Variants in PRKAR1B observed in about 807,000 individuals in gnomAD.
The protein encoded by PRKAR1B is cAMP-dependent protein kinase type I-beta regulatory subunit.
Under a neutral mutation model 46.5 loss-of-function variants are expected in PRKAR1B, and 22 were observed. That is an observed-to-expected ratio of 0.47 (90% CI 0.34 to 0.68). The LOEUF (loss-of-function observed/expected upper bound fraction) is 0.68. Among genes scored for constraint, PRKAR1B ranks in the 30% least tolerant of loss-of-function variants. The probability of loss-of-function intolerance (pLI) is 0.01; values close to 1 mark genes in which losing one functional copy is unlikely to be tolerated. For synonymous variants in PRKAR1B, 259 were observed against 217.7 expected (o/e 1.19, Z -1.67); for missense variants, 445 against 535.6 (o/e 0.83, Z 1.67).
intron 9 of PRKAR1B, among the ~76,000 whole-genome samples, chr7:552,644 T>A (rs1784317721): frequency 7.0e-6 from 1 of 142,630 alleles, no homozygotes; most frequent in Admixed American, 6.9e-5. Context: ...CCATTTTTGT[T>A]CAGACACACA....
rs143928231 is a variant in PRKAR1B, at chr7:622,921, C to T, written c.441-15469G>A. The stretch of plus-strand genomic sequence containing the variant: ...AGTGGTTCTGAAAGACCTAGACATG[C>T]TGCCCTCGCTGGGGAAGAACCTCTC... On this transcript the variant is annotated intron_variant, in intron 4 of 10. Transcript: ENST00000537384. Among the ~76,000 whole-genome samples, 592 of 152,302 alleles carry T rather than the reference C, an allele frequency of 3.9e-3. 4 individuals carry two copies. Among genetic ancestry groups the T allele is most frequent in the African/African-American group, 0.013 (558 of 41,566 alleles).
chr7:691,487 A>G (rs1272511540), intron 2 of PRKAR1B: 1 of 1,304,188 alleles, frequency 7.7e-7, no homozygotes, highest in African/African-American at 1.5e-5. Context: ...AGGGCCCCCC[A>G]GCGCACCACA....
At chr7:559,027 G>T (rs1483617721) in intron 9 of PRKAR1B, among the ~76,000 whole-genome samples, 1 of 152,228 alleles carries the variant, frequency 6.6e-6, no homozygotes, top group African/African-American at 2.4e-5. Flanking sequence ...CAGACCATTT[G>T]CCTTCCTCGG....
intron 4 of PRKAR1B, among the ~76,000 whole-genome samples, chr7:658,960 T>C (rs1204952505): frequency 2.0e-5 from 3 of 152,092 alleles, no homozygotes; most frequent in Non-Finnish European, 4.4e-5. Context: ...CTAATGTTTT[T>C]AAAAAAATAT....
At chr7:556,463 G>C (rs9330359) in intron 9 of PRKAR1B, among the ~76,000 whole-genome samples, 119,609 of 152,166 alleles carry the variant, frequency 0.79, 47,994 homozygotes, top group African/African-American at 0.94. Flanking sequence ...TCCAGGAACG[G>C]AGTCACATAA....
chr7:727,197 G>A lies in PRKAR1B; in HGVS notation c.-23+13C>T, dbSNP rs78581255. ...TGGCCGTGGACCTGTGCGGCGCCGCGCTCGCGCCCCACCTGGACGACGCTC... is the reference window on the plus strand; with the variant it reads ...TGGCCGTGGACCTGTGCGGCGCCGCACTCGCGCCCCACCTGGACGACGCTC... On this transcript the variant is annotated intron_variant, in intron 1 of 10. Coordinates refer to ENST00000537384, the MANE Select transcript of PRKAR1B (RefSeq NM_001164760.2). 3.3e-4 allele frequency: 444 copies of A among 1,346,210 alleles called. No individual in the cohort carries two copies. In the African/African-American group the frequency reaches 6.3e-3, roughly 19 times the overall value. The allele number at this position is 1,346,210 out of a possible 1,614,324, so 83.4% of individuals were successfully genotyped here. A position where few individuals can be genotyped will look rare whatever the true frequency, so the allele number is the denominator to read the frequency against.
intron 7 of PRKAR1B, among the ~76,000 whole-genome samples, chr7:588,782 G>A (rs1780791027): frequency 7.3e-6 from 1 of 136,146 alleles, no homozygotes; most frequent in Non-Finnish European, 1.6e-5. Flanking sequence ...TGATGGTGGT[G>A]ATGGTGGTGA....
At chr7:591,197 A>G (rs950071724) in intron 7 of PRKAR1B, among the ~76,000 whole-genome samples, 1 of 152,148 alleles carries the variant, frequency 6.6e-6, no homozygotes, top group Admixed American at 6.5e-5. Flanking sequence ...GGCCCCAAAG[A>G]CTGCCCCTTT....
chr7:723,690 A>T (rs1781153429), intron 1 of PRKAR1B, among the ~76,000 whole-genome samples: 1 of 151,972 alleles, frequency 6.6e-6, no homozygotes, highest in Non-Finnish European at 1.5e-5. Flanking sequence ...AAAAATGCAG[A>T]CTCGATCTTG....
chr7:623,369 T>C (rs1430257946), intron 4 of PRKAR1B, among the ~76,000 whole-genome samples: 1 of 152,238 alleles, frequency 6.6e-6, no homozygotes, highest in Admixed American at 6.5e-5. Context: ...CTGGCCAAAC[T>C]TTAGTCAGGT....
At chr7:674,122 T>C (rs748201558) in intron 4 of PRKAR1B, among the ~76,000 whole-genome samples, 1 of 152,178 alleles carries the variant, frequency 6.6e-6, no homozygotes, top group Non-Finnish European at 1.5e-5. Flanking sequence ...CCACTCAAGA[T>C]GACACATCCA....
chr7:570,563 G>A (rs752995484), intron 9 of PRKAR1B, among the ~76,000 whole-genome samples: 5 of 151,348 alleles, frequency 3.3e-5, no homozygotes, highest in Non-Finnish European at 3.0e-5. Context: ...CTCATCCCCC[G>A]CCGTCCCCTC....
intron 2 of PRKAR1B, among the ~76,000 whole-genome samples, chr7:698,398 CTA>C (rs933866088): frequency 3.3e-5 from 5 of 152,112 alleles, no homozygotes; most frequent in East Asian, 3.9e-4. Flanking sequence ...TGGCATGACT[CTA>C]TGTGTGCACA....
rs149625378 is a variant in PRKAR1B at position 585,569 on chromosome 7, G to A, written c.709-1001C>T. On this transcript the variant is annotated intron_variant, in intron 7 of 10. Coordinates refer to ENST00000537384, the MANE Select transcript of PRKAR1B (RefSeq NM_001164760.2). The stretch of plus-strand genomic sequence containing the variant: ...GACATGCTAGTGATGAGGTTTTTCC[G>A]TGACCCTAGATAAGTCCCCTGGGGT... 1.2e-3 allele frequency among the ~76,000 whole-genome samples: 188 copies of A among 151,052 alleles called. 1 individual carries two copies. Among genetic ancestry groups the A allele is most frequent in the African/African-American group, 4.2e-3 (168 of 40,416 alleles).
At chr7:632,271 C>A (rs972457715) in intron 4 of PRKAR1B, among the ~76,000 whole-genome samples, 2 of 152,202 alleles carry the variant, frequency 1.3e-5, no homozygotes, top group East Asian at 1.9e-4. Context: ...TCGGCCCCTG[C>A]AGAAGGGCGC....
At chr7:723,846 TA>T (rs1401608986) in intron 1 of PRKAR1B, among the ~76,000 whole-genome samples, 3 of 151,454 alleles carry the variant, frequency 2.0e-5, no homozygotes, top group Non-Finnish European at 2.9e-5. Context: ...GAGGCTGCCG[TA>T]ACAAAGCACA....
At chr7:726,931 G>T in intron 1 of PRKAR1B, 1 of 1,341,778 alleles carries the variant, frequency 7.5e-7, no homozygotes, top group South Asian at 1.7e-5. Context: ...CGCTTTCCAG[G>T]GCCCCTGGGC....
At chr7:626,687 TGGA>T (rs1783420851) in intron 4 of PRKAR1B, among the ~76,000 whole-genome samples, 1 of 150,250 alleles carries the variant, frequency 6.7e-6, no homozygotes, top group African/African-American at 2.4e-5. Context: ...AATCTGATCT[TGGA>T]GGAAAAAAAA....
intron 4 of PRKAR1B, among the ~76,000 whole-genome samples, chr7:637,264 C>G (rs534980052): frequency 6.4e-4 from 97 of 152,076 alleles, no homozygotes; most frequent in African/African-American, 2.3e-3. Flanking sequence ...ACTAAAAATA[C>G]AAAAATTAGC....
Sources: gnomAD v4.1 joint callset for allele counts (sites outside exome capture counted in the v4.1 genomes callset) on GRCh38, gnomAD v4.1.1 for gene constraint, MANE v1.5 for transcripts, NCBI Gene and HGNC (gene_info 2026-07-23, HGNC 2026-07-21) for gene names.